The following PPP1R13B variants were observed in gnomAD, a reference collection of about 807,000 sequenced individuals.
PPP1R13B encodes protein phosphatase 1 regulatory subunit 13B, also known as apoptosis-stimulating of p53 protein 1.
PPP1R13B carries 44 observed loss-of-function variants against 119.8 expected under a neutral mutation model. The ratio of observed to expected loss-of-function variants is 0.37; its 90% confidence interval spans 0.29 to 0.47. PPP1R13B has a LOEUF of 0.47. Ranked by LOEUF, PPP1R13B falls within the 20% of genes least tolerant of loss-of-function variation. PPP1R13B has a pLI of 0.99. For synonymous variants in PPP1R13B, 542 were observed against 561.5 expected (o/e 0.97, Z 0.49); for missense variants, 1,227 against 1,413.5 (o/e 0.87, Z 2.12).
intron 1 of PPP1R13B, among the ~76,000 whole-genome samples, chr14:103,810,633 G>A (rs1485429190): frequency 6.6e-6 from 1 of 151,932 alleles, no homozygotes; most frequent in African/African-American, 2.4e-5. Context: ...TTAGCTGGGC[G>A]TGGTGGTGGG....
intron 2 of PPP1R13B, among the ~76,000 whole-genome samples, chr14:103,791,246 T>C (rs61995809): frequency 0.079 from 12,013 of 152,084 alleles, 617 homozygotes; most frequent in Admixed American, 0.16. Flanking sequence ...CTCAGCCTAC[T>C]GTAGCTGGGA....
chr14:103,740,189 A>G lies in PPP1R13B; in HGVS notation c.2227T>C (p.Tyr743His), dbSNP rs755839973. The G allele has an allele frequency of 4.3e-6, 7 of 1,613,780 alleles. No individual in the cohort carries two copies. Among genetic ancestry groups the G allele is most frequent in the Non-Finnish European group, 5.1e-6 (6 of 1,180,004 alleles). The change falls in exon 12 of 17, where the codon TAC becomes CAC. Residue 743 changes from tyrosine to histidine, a missense_variant. Transcript: ENST00000202556. This position sits in a 1 kb window ranked among gnomAD's most constrained non-coding sequence, Gnocchi z 4.6. ...AAGTCCTGGGAGGGGCTGGGCTGGT[A>G]GAAAGGGGTGCCCTCCATGCCACCG... is the stretch of plus-strand genomic sequence containing the variant. ...LAGGMEGTPF[Y>H]QPSPSQDFMG...
At chr14:103,784,939 T>C (rs3742369) in intron 2 of PPP1R13B, 25 bp from the exon 3 acceptor site, 609,260 of 1,532,706 alleles carry the variant, frequency 0.4, 122,746 homozygotes, top group African/African-American at 0.43. Context: ...ACATCTTTTT[T>C]ACTCCAGAAT....
chr14:103,741,053 A>G (rs1342204883), intron 11 of PPP1R13B, among the ~76,000 whole-genome samples: 2 of 152,194 alleles, frequency 1.3e-5, no homozygotes, highest in Non-Finnish European at 2.9e-5. Flanking sequence ...TTCCCACCAC[A>G]GCCAGAACCC....
intron 1 of PPP1R13B, among the ~76,000 whole-genome samples, chr14:103,808,947 C>T (rs1485169084): frequency 1.3e-5 from 2 of 152,092 alleles, no homozygotes; most frequent in East Asian, 3.9e-4. Flanking sequence ...TAGCTCACTG[C>T]ACCCTCGAAC....
intron 4 of PPP1R13B, among the ~76,000 whole-genome samples, chr14:103,770,757 A>T (rs1440738756): frequency 6.6e-6 from 1 of 152,190 alleles, no homozygotes; most frequent in Non-Finnish European, 1.5e-5. Context: ...ACAACACCTA[A>T]AAGGCAAGAT....
rs569035782 is a variant in PPP1R13B at position 103,734,171 on chromosome 14, C to T, written c.*983G>A. On this transcript the variant is annotated 3_prime_UTR_variant, in exon 17 of 17. Coordinates refer to ENST00000202556, the MANE Select transcript of PPP1R13B (RefSeq NM_015316.3). ...TCACAGCCAGCCCAGGCAGGGAGATCGGCAGAGAGGGGTGGCCCCTGACCC... is the reference window on the plus strand; with the variant it reads ...TCACAGCCAGCCCAGGCAGGGAGATTGGCAGAGAGGGGTGGCCCCTGACCC... 7 of 237,024 alleles carry T rather than the reference C, an allele frequency of 3.0e-5. No homozygotes were observed. Among genetic ancestry groups the T allele is most frequent in the East Asian group, 9.1e-5 (1 of 10,968 alleles). 14.7% of individuals were successfully genotyped at this position (237,024 alleles called of 1,614,324 possible).
In PPP1R13B at chr14:103,835,087, T is replaced by TA. The variant is rs570228139; in HGVS notation, c.9+12211dup. ...AGCCTCATGGTTGCTGGAGAAAACT[T>TA]AAAGTACTCAGTAAACATTTGCTCT... On this transcript the variant is annotated intron_variant, in intron 1 of 16. Transcript: ENST00000202556. Among the ~76,000 whole-genome samples the TA allele has an allele frequency of 1.1e-4, 17 of 152,266 alleles. No individual in the cohort carries two copies. In the East Asian group the frequency reaches 3.3e-3, roughly 29 times the overall value.
At chr14:103,841,600 A>C (rs1001961790) in intron 1 of PPP1R13B, among the ~76,000 whole-genome samples, 4 of 152,152 alleles carry the variant, frequency 2.6e-5, no homozygotes, top group Non-Finnish European at 4.4e-5. Flanking sequence ...AAAAAGAAAA[A>C]AAAAGAAAAA....
At position 103,753,075 on chromosome 14, in the gene PPP1R13B, A is replaced by G. The variant is rs774345462; in HGVS notation, c.753T>C (p.Asn251=). Residue 251 remains asparagine (N), a synonymous_variant, in exon 7 of 17, where the codon AAT becomes AAC. Transcript: ENST00000202556. ...QLEDLKKGKL[N]GFQSYNGKLT... is the part of the protein sequence containing the mutation. ...ATTTGCCATTGTAAGACTGGAACCC[A>G]TTCAGTTTTCCTTTCTTTAAATCTT... is the stretch of plus-strand genomic sequence containing the variant. 20 of 1,614,050 alleles carry G rather than the reference A, an allele frequency of 1.2e-5. No individual in the cohort carries two copies. In the African/African-American group the frequency reaches 2.3e-4, roughly 18 times the overall value.
Position 103,816,177 on chromosome 14 carries a change from T to C in PPP1R13B, c.10-18659A>G, listed in dbSNP as rs901380826. Reference sequence around the variant, plus strand: ...AATGAAAACAACTTTTTTTTTTTTTTTGAGACAAGAGTCTCACTCTGTTGC... The same window carrying C: ...AATGAAAACAACTTTTTTTTTTTTTCTGAGACAAGAGTCTCACTCTGTTGC... On this transcript the variant is annotated intron_variant, in intron 1 of 16. Transcript: ENST00000202556. 6.6e-5 allele frequency among the ~76,000 whole-genome samples: 10 copies of C among 151,872 alleles called. No individual in the cohort carries two copies. In the East Asian group the frequency reaches 1.4e-3, roughly 21 times the overall value.
intron 1 of PPP1R13B, chr14:103,846,850 A>G (rs1235280407): frequency 4.0e-6 from 2 of 505,630 alleles, no homozygotes; most frequent in Admixed American, 2.3e-5. Context: ...TTTCCTCAGT[A>G]CAACCGCGAA....
At position 103,742,089 on chromosome 14, in the gene PPP1R13B, C is replaced by T. The variant is rs2151966500; in HGVS notation, c.1523G>A (p.Ser508Asn). Residue 508 changes from serine (S) to asparagine (N), a missense_variant, in exon 11 of 17, where the codon AGC becomes AAC. Coordinates refer to ENST00000202556, the MANE Select transcript of PPP1R13B (RefSeq NM_015316.3). The surrounding 1 kb of genome is among the most constrained non-coding windows in gnomAD (Gnocchi z 4.9). ...QRPTLLPATG[S>N]TPQPGSSQQI... The stretch of plus-strand genomic sequence containing the variant: ...TTGTGAGGAGCCTGGCTGGGGGGTG[C>T]TGCCTGTGGCGGGCAGCAGGGTGGG... 1 of 1,613,794 alleles carries T rather than the reference C, an allele frequency of 6.2e-7. No individual in the cohort carries two copies.
At chr14:103,770,895 T>C (rs1157234311) in intron 4 of PPP1R13B, among the ~76,000 whole-genome samples, 1 of 152,200 alleles carries the variant, frequency 6.6e-6, no homozygotes, top group Non-Finnish European at 1.5e-5. Context: ...CTGGCTTTTG[T>C]CCTGAAGGTT....
chr14:103,797,025 CAA>C (rs1216317920), intron 2 of PPP1R13B, among the ~76,000 whole-genome samples: 17 of 72,684 alleles, frequency 2.3e-4, no homozygotes, highest in East Asian at 8.1e-4. Context: ...TCATAATAGC[CAA>C]AAAAAAAAAA....
At chr14:103,798,989 GTTTT>G (rs1208007219) in intron 1 of PPP1R13B, among the ~76,000 whole-genome samples, 1 of 119,866 alleles carries the variant, frequency 8.3e-6, no homozygotes, top group Non-Finnish European at 1.8e-5. Flanking sequence ...TACACCTGGT[GTTTT>G]TTTGTTTGTT....
At chr14:103,758,910 T>C (rs2084738753) in intron 4 of PPP1R13B, among the ~76,000 whole-genome samples, 1 of 152,250 alleles carries the variant, frequency 6.6e-6, no homozygotes, top group South Asian at 2.1e-4. Context: ...TTTTATGATG[T>C]TTGAGCACAT....
chr14:103,820,636 T>C (rs1398492243), intron 1 of PPP1R13B, among the ~76,000 whole-genome samples: 1 of 147,680 alleles, frequency 6.8e-6, no homozygotes, highest in Non-Finnish European at 1.5e-5. Context: ...CTGGCACACA[T>C]ACCACCATGC....
chr14:103,741,255 T>C (rs1449607520), intron 11 of PPP1R13B, among the ~76,000 whole-genome samples: 3 of 152,230 alleles, frequency 2.0e-5, no homozygotes, highest in Non-Finnish European at 2.9e-5. Flanking sequence ...GCCTCTGTGG[T>C]AGGTGTGGAA....
Sources: allele counts gnomAD v4.1 joint callset (sites outside exome capture counted in the v4.1 genomes callset), GRCh38; gene constraint gnomAD v4.1.1; non-coding constraint Gnocchi (gnomAD v3.1); transcripts MANE v1.5; gene names NCBI Gene and HGNC (gene_info 2026-07-23, HGNC 2026-07-21).